Variants in ENTREP2 observed in about 807,000 individuals in gnomAD.
The protein encoded by ENTREP2 is endosomal transmembrane epsin interactor 2.
At chr15:29,470,256 T>C in the ENTREP2 span, among the ~76,000 whole-genome samples, 1 of 152,198 alleles carries the variant, frequency 6.6e-6, no homozygotes, top group African/African-American at 2.4e-5. Flanking sequence ...GTTTGTTCTA[T>C]GTGTGGTTGA....
the ENTREP2 span, among the ~76,000 whole-genome samples, chr15:29,204,702 T>C: frequency 4.6e-5 from 7 of 152,158 alleles, no homozygotes; most frequent in Admixed American, 1.3e-4. Context: ...GCCGGTGTTA[T>C]TGATGTTGCT....
the ENTREP2 span, among the ~76,000 whole-genome samples, chr15:29,333,216 G>C: frequency 4.6e-5 from 7 of 152,128 alleles, no homozygotes; most frequent in Admixed American, 3.9e-4. Flanking sequence ...GGCCAGAGAG[G>C]GGTCACAGTC....
At chr15:29,655,104 T>C in the ENTREP2 span, among the ~76,000 whole-genome samples, 17 of 152,082 alleles carry the variant, frequency 1.1e-4, no homozygotes, top group African/African-American at 3.4e-4. Flanking sequence ...TAAAGTGATC[T>C]GAAAAAACAC....
the ENTREP2 span, among the ~76,000 whole-genome samples, chr15:29,301,521 A>G: frequency 6.6e-6 from 1 of 152,180 alleles, no homozygotes; most frequent in Non-Finnish European, 1.5e-5. Context: ...GTAAATAAAT[A>G]TGGTTTAAAA....
chr15:29,243,977 G>A, the ENTREP2 span, among the ~76,000 whole-genome samples: 1 of 152,170 alleles, frequency 6.6e-6, no homozygotes, highest in Non-Finnish European at 1.5e-5. Context: ...GATGAAACTG[G>A]ACAAGGAGGG....
the ENTREP2 span, among the ~76,000 whole-genome samples, chr15:29,320,904 A>G: frequency 1.3e-5 from 2 of 152,244 alleles, no homozygotes; most frequent in African/African-American, 4.8e-5. Context: ...GTATAATTTC[A>G]GAAAGTGTAA....
the ENTREP2 span, among the ~76,000 whole-genome samples, chr15:29,334,507 A>G: frequency 4.6e-5 from 7 of 152,362 alleles, no homozygotes; most frequent in South Asian, 8.3e-4. Flanking sequence ...AAGGGCTACG[A>G]TGAAAGTCTC....
At chr15:29,464,276 A>G in the ENTREP2 span, among the ~76,000 whole-genome samples, 1 of 144,224 alleles carries the variant, frequency 6.9e-6, no homozygotes, top group African/African-American at 2.6e-5. Context: ...AAGAATAAAG[A>G]AAAGAAGGAC....
At chr15:29,490,906 C>A in the ENTREP2 span, among the ~76,000 whole-genome samples, 1 of 152,212 alleles carries the variant, frequency 6.6e-6, no homozygotes, top group Non-Finnish European at 1.5e-5. Flanking sequence ...TGGGACTGGA[C>A]GCCTATGGAG....
At chr15:29,671,291 A>G in the ENTREP2 span, among the ~76,000 whole-genome samples, 1 of 152,128 alleles carries the variant, frequency 6.6e-6, no homozygotes, top group East Asian at 1.9e-4. Flanking sequence ...AATAGTAAAT[A>G]AGTGTTTTCT....
chr15:29,361,546 T>C, the ENTREP2 span, among the ~76,000 whole-genome samples: 3 of 152,218 alleles, frequency 2.0e-5, no homozygotes, highest in Non-Finnish European at 4.4e-5. Context: ...CCCCAACTCA[T>C]ATCATAACCT....
chr15:29,166,156 T>C, the ENTREP2 span, among the ~76,000 whole-genome samples: 1 of 152,150 alleles, frequency 6.6e-6, no homozygotes, highest in African/African-American at 2.4e-5. Context: ...AAAATTAGCA[T>C]ACAAGGGACA....
chr15:29,616,711 G>A, the ENTREP2 span, among the ~76,000 whole-genome samples: 2 of 152,084 alleles, frequency 1.3e-5, no homozygotes, highest in African/African-American at 4.8e-5. Flanking sequence ...TGCTTCCTAT[G>A]ACTCAACTTT....
chr15:29,316,239 T>C, the ENTREP2 span, among the ~76,000 whole-genome samples: 3 of 152,106 alleles, frequency 2.0e-5, no homozygotes, highest in African/African-American at 7.2e-5. Context: ...GACTGTAACA[T>C]ATCACCATTT....
the ENTREP2 span, among the ~76,000 whole-genome samples, chr15:29,489,500 C>CTTTGATTT: frequency 0.47 from 70,894 of 151,600 alleles, 17,784 homozygotes; most frequent in African/African-American, 0.67. Context: ...AACTTTGATT[C>CTTTGATTT]TGTATGTGCG....
the ENTREP2 span, among the ~76,000 whole-genome samples, chr15:29,657,225 T>TC: frequency 5.5e-3 from 841 of 151,798 alleles, 17 homozygotes; most frequent in African/African-American, 0.019. Flanking sequence ...CTTTTTTTTT[T>TC]TCTTTTTGCA....
At chr15:29,646,757 C>T in the ENTREP2 span, among the ~76,000 whole-genome samples, 1 of 152,114 alleles carries the variant, frequency 6.6e-6, no homozygotes, top group Non-Finnish European at 1.5e-5. Context: ...AATCTTGGGG[C>T]ATGGAGGCAC....
At chr15:29,258,970 G>T in the ENTREP2 span, among the ~76,000 whole-genome samples, 1 of 152,142 alleles carries the variant, frequency 6.6e-6, no homozygotes, top group Non-Finnish European at 1.5e-5. Flanking sequence ...CCAGAAATTG[G>T]TCCTGCCAAT....
At chr15:29,382,048 T>C in the ENTREP2 span, among the ~76,000 whole-genome samples, 1 of 152,260 alleles carries the variant, frequency 6.6e-6, no homozygotes, top group East Asian at 1.9e-4. Flanking sequence ...GGTCACTTTG[T>C]GCACTGCACT....
Sources: allele counts gnomAD v4.1 joint callset (sites outside exome capture counted in the v4.1 genomes callset), GRCh38; gene constraint gnomAD v4.1.1; transcripts MANE v1.5; gene names NCBI Gene and HGNC (gene_info 2026-07-23, HGNC 2026-07-21).